The following NAV2 variants were observed in gnomAD, a reference collection of about 807,000 sequenced individuals.
The protein encoded by NAV2 is neuron navigator 2.
NAV2 carries 54 observed loss-of-function variants against 223.2 expected under a neutral mutation model. The ratio of observed to expected loss-of-function variants is 0.24; its 90% confidence interval spans 0.19 to 0.30. The LOEUF (loss-of-function observed/expected upper bound fraction) is 0.30, where lower values mean the gene tolerates loss of function less well. NAV2 is among the 10% of genes least tolerant of loss of function. The pLI, the probability that NAV2 is intolerant of heterozygous loss-of-function variation, is 1.00. For synonymous variants in NAV2, 1,279 were observed against 1,239.3 expected, an observed-to-expected ratio of 1.03 and a Z score of -0.67; for missense variants, 2,806 against 3,147.5, an observed-to-expected ratio of 0.89 and a Z score of 2.60.
At chr11:19,626,274 T>C (rs2047166550) in intron 1 of NAV2, among the ~76,000 whole-genome samples, 1 of 152,238 alleles carries the variant, frequency 6.6e-6, no homozygotes, top group Non-Finnish European at 1.5e-5. Context: ...ACACCATTTA[T>C]TGAAGAGGGT....
chr11:20,065,043 A>C (rs557807299), intron 20 of NAV2, among the ~76,000 whole-genome samples: 58 of 152,322 alleles, frequency 3.8e-4, no homozygotes, highest in African/African-American at 1.3e-3. Context: ...TTAAAAAAAA[A>C]TAGCCTATCA....
intron 1 of NAV2, among the ~76,000 whole-genome samples, chr11:19,776,839 C>G (rs1454467185): frequency 6.6e-6 from 1 of 151,938 alleles, no homozygotes; most frequent in Non-Finnish European, 1.5e-5. Flanking sequence ...GAGCTAAGAA[C>G]CCATGGGGAC....
chr11:19,958,752 G>C (rs1179927329), intron 10 of NAV2, among the ~76,000 whole-genome samples: 2 of 152,226 alleles, frequency 1.3e-5, no homozygotes, highest in African/African-American at 2.4e-5. Flanking sequence ...ATGTGAGCTG[G>C]GCCTCACAGG....
chr11:19,508,202 G>A (rs988217554), intron 1 of NAV2, among the ~76,000 whole-genome samples: 2 of 152,094 alleles, frequency 1.3e-5, no homozygotes, highest in African/African-American at 2.4e-5. Context: ...CTCTTCCTGA[G>A]GCTGTCCTAC....
chr11:19,492,121 T>A (rs184284382), intron 1 of NAV2, among the ~76,000 whole-genome samples: 2 of 152,180 alleles, frequency 1.3e-5, no homozygotes, highest in Non-Finnish European at 2.9e-5. Context: ...AGATCACTGA[T>A]CATTGGTCAC....
chr11:19,861,280 C>T, intron 3 of NAV2, among the ~76,000 whole-genome samples: 1 of 152,122 alleles, frequency 6.6e-6, no homozygotes, highest in East Asian at 1.9e-4. Flanking sequence ...AGCATGACAT[C>T]AGGTTACGGA....
chr11:19,627,758 C>T (rs1440814403), intron 1 of NAV2, among the ~76,000 whole-genome samples: 1 of 151,944 alleles, frequency 6.6e-6, no homozygotes, highest in African/African-American at 2.4e-5. Context: ...TATGCACTGA[C>T]GGTGATGGAT....
At chr11:19,471,878 G>C (rs575829400) in intron 1 of NAV2, among the ~76,000 whole-genome samples, 11 of 152,268 alleles carry the variant, frequency 7.2e-5, no homozygotes, top group African/African-American at 2.4e-4. Context: ...CACAGATGCT[G>C]CTCTCAGATC....
At chr11:19,391,700 T>A (rs1019806603) in intron 1 of NAV2, among the ~76,000 whole-genome samples, 3 of 148,202 alleles carry the variant, frequency 2.0e-5, no homozygotes, top group Non-Finnish European at 4.5e-5. Flanking sequence ...GGGCAGGAAC[T>A]GGGGGGGATG....
chr11:19,353,231 T>C (rs1481599928), intron 1 of NAV2, among the ~76,000 whole-genome samples: 2 of 152,144 alleles, frequency 1.3e-5, no homozygotes, highest in Non-Finnish European at 2.9e-5. Context: ...AAGACAATTG[T>C]GAGATAAGTC....
intron 1 of NAV2, among the ~76,000 whole-genome samples, chr11:19,417,716 T>C (rs753340016): frequency 2.6e-5 from 4 of 152,154 alleles, no homozygotes; most frequent in South Asian, 2.1e-4. Context: ...CCAACCCAAA[T>C]GCCGACTGGA....
In NAV2 at chr11:19,617,654, G is replaced by A. The variant is rs576170841; in HGVS notation, c.76-214830G>A. Among the ~76,000 whole-genome samples the A allele has an allele frequency of 3.9e-5, 6 of 152,328 alleles. No individual in the cohort carries two copies. The East Asian group carries it at 1.2e-3, about 29-fold the overall frequency. On this transcript the variant is annotated intron_variant, in intron 1 of 37. Transcript: ENST00000360655. ...GGTAAAGTGTGAGGGTACCACTTAG[G>A]TAAGGTGGTCCCAGGAATGGCCTCC...
intron 4 of NAV2, among the ~76,000 whole-genome samples, chr11:19,872,830 G>C (rs1423785571): frequency 1.3e-5 from 2 of 152,222 alleles, no homozygotes; most frequent in African/African-American, 4.8e-5. Flanking sequence ...CTGCTGGTTT[G>C]GGGAACTTCC....
chr11:20,005,520 A>T (rs976277280), intron 11 of NAV2, among the ~76,000 whole-genome samples: 2 of 151,504 alleles, frequency 1.3e-5, no homozygotes, highest in Non-Finnish European at 2.9e-5. Flanking sequence ...TGCTGGGATT[A>T]TAGGCTTGAG....
In NAV2 at chr11:19,481,346, C is replaced by A. The variant is rs188619958; in HGVS notation, c.75+130319C>A. Among the ~76,000 whole-genome samples the A allele has an allele frequency of 1.8e-4, 27 of 152,262 alleles. 1 individual carries two copies. The highest frequency in any genetic ancestry group is 3.2e-4 in the Non-Finnish European group (22 of 68,018). ...TGCAGAAAGAAAGTTCTTGGAAGAG[C>A]TTTCAGTCACTCAGTGACACCCCAG... On this transcript the variant is annotated intron_variant, in intron 1 of 37. Coordinates refer to the NAV2 transcript ENST00000360655.
At chr11:19,640,924 G>A (rs1201763210) in intron 1 of NAV2, among the ~76,000 whole-genome samples, 1 of 152,186 alleles carries the variant, frequency 6.6e-6, no homozygotes, top group Non-Finnish European at 1.5e-5. Context: ...GGGGACCCAG[G>A]ACACCATTAG....
At chr11:19,921,436 A>G (rs1393815623) in intron 6 of NAV2, among the ~76,000 whole-genome samples, 1 of 152,240 alleles carries the variant, frequency 6.6e-6, no homozygotes, top group Non-Finnish European at 1.5e-5. Context: ...CAAAAACCAT[A>G]TTTAAATGAC....
At position 20,036,114 on chromosome 11, in the gene NAV2, C is replaced by T. The variant is rs933977117; in HGVS notation, c.2907+17C>T. 3.1e-6 allele frequency: 5 copies of T among 1,614,124 alleles called. No individual in the cohort carries two copies. The highest frequency in any genetic ancestry group is 4.2e-6 in the Non-Finnish European group (5 of 1,180,002). Reference sequence around the variant, plus strand: ...GATGTGCAGGTGAGGAACACAGGCCCTCCCAGGCTCCTCCAGCAGCCTCTG... The same window carrying T: ...GATGTGCAGGTGAGGAACACAGGCCTTCCCAGGCTCCTCCAGCAGCCTCTG... On this transcript the variant is annotated intron_variant, in intron 12 of 37. Transcript: ENST00000349880.
At chr11:19,839,002 G>A (rs538408969) in intron 2 of NAV2, among the ~76,000 whole-genome samples, 1 of 152,280 alleles carries the variant, frequency 6.6e-6, no homozygotes, top group Non-Finnish European at 1.5e-5. Flanking sequence ...TAGATAGTGG[G>A]ATTGTTTGCG....
Sources: gnomAD v4.1 joint callset for allele counts (sites outside exome capture counted in the v4.1 genomes callset) on GRCh38, gnomAD v4.1.1 for gene constraint, MANE v1.5 for transcripts, NCBI Gene and HGNC (gene_info 2026-07-23, HGNC 2026-07-21) for gene names.